The following KAT7 variants were observed in gnomAD, a reference collection of about 807,000 sequenced individuals.
The protein encoded by KAT7 is lysine acetyltransferase 7.
In KAT7, 10 loss-of-function variants were observed where a neutral mutation model predicts 82.1. That is an observed-to-expected ratio of 0.12 (90% CI 0.08 to 0.21). The LOEUF is 0.21. Among genes scored for constraint, KAT7 ranks in the 10% least tolerant of loss-of-function variants. KAT7 has a pLI of 1.00. For synonymous variants in KAT7, 250 were observed against 262.5 expected, an observed-to-expected ratio of 0.95 and a Z score of 0.46; for missense variants, 378 against 760.9, an observed-to-expected ratio of 0.50 and a Z score of 5.92.
chr17:49,789,357 G>A (rs2073853564), intron 1 of KAT7: 1 of 153,344 alleles, frequency 6.5e-6, no homozygotes, highest in African/African-American at 2.4e-5. Flanking sequence ...GGTTTTGGAG[G>A]CCTCGTTACC....
intron 4 of KAT7, among the ~76,000 whole-genome samples, chr17:49,801,856 A>G (rs986052480): frequency 7.2e-5 from 11 of 152,156 alleles, no homozygotes; most frequent in South Asian, 2.1e-4. Context: ...TTAAAACTCT[A>G]TAGGAAAGTT....
At chr17:49,818,082 A>C in intron 9 of KAT7, 71 bp downstream of exon 9, 9 of 1,269,206 alleles carry the variant, frequency 7.1e-6, no homozygotes, top group Non-Finnish European at 1.0e-5. Context: ...ATTTTGCCAT[A>C]GCGATGGCAT....
chr17:49,797,599 G>T (rs1278487543), intron 3 of KAT7, among the ~76,000 whole-genome samples: 1 of 152,318 alleles, frequency 6.6e-6, no homozygotes, highest in Non-Finnish European at 1.5e-5. Context: ...TGTCCGCATG[G>T]TTGGTTGGTT....
chr17:49,816,696 A>G (rs2074239187), intron 8 of KAT7, among the ~76,000 whole-genome samples: 1 of 152,124 alleles, frequency 6.6e-6, no homozygotes, highest in Admixed American at 6.6e-5. Flanking sequence ...GGTTTTCTCT[A>G]TCCTATTCTG....
chr17:49,795,033 T>TG (rs1555601686), intron 2 of KAT7, among the ~76,000 whole-genome samples: 3 of 151,762 alleles, frequency 2.0e-5, no homozygotes, highest in African/African-American at 7.3e-5. Flanking sequence ...AAATATACGT[T>TG]GGGGGGTGCA....
intron 4 of KAT7, among the ~76,000 whole-genome samples, chr17:49,804,822 G>C (rs1567853660): frequency 6.6e-6 from 1 of 152,056 alleles, no homozygotes; most frequent in Non-Finnish European, 1.5e-5. Flanking sequence ...GCAAAACTCA[G>C]TTCTCCCTCC....
intron 12 of KAT7, among the ~76,000 whole-genome samples, chr17:49,824,018 G>A (rs2074337618): frequency 6.6e-6 from 1 of 152,134 alleles, no homozygotes; most frequent in Admixed American, 6.5e-5. Flanking sequence ...CTTTCTTCAG[G>A]TGAATTAGAG....
At chr17:49,790,310 C>A (rs578188237) in intron 1 of KAT7, among the ~76,000 whole-genome samples, 1 of 152,120 alleles carries the variant, frequency 6.6e-6, no homozygotes, top group Non-Finnish European at 1.5e-5. Context: ...GATTCTCCTG[C>A]CTCAGTCTCT....
intron 11 of KAT7, among the ~76,000 whole-genome samples, chr17:49,822,372 C>T (rs1481067382): frequency 1.3e-5 from 2 of 151,916 alleles, no homozygotes; most frequent in African/African-American, 2.4e-5. Context: ...GGATAACAGG[C>T]GCCTGCCACC....
intron 2 of KAT7, chr17:49,795,776 A>T (rs546044267): frequency 4.5e-5 from 10 of 224,522 alleles, no homozygotes; most frequent in South Asian, 3.2e-4. Context: ...GTTCCCCTAC[A>T]CTAGGTGTTT....
chr17:49,788,728 G>C lies in KAT7; in HGVS notation c.-107G>C. 1 of 1,241,290 alleles carries C rather than the reference G, an allele frequency of 8.1e-7. No homozygotes were observed. 76.9% of individuals were successfully genotyped at this position (1,241,290 alleles called of 1,614,324 possible). ...AGGCAGGAGGCACTAGGGATCGTCC[G>C]CAGGATTGGGACTGATACAGAGGCC... On this transcript the variant is annotated 5_prime_UTR_variant, in exon 1 of 15. Transcript: ENST00000259021.
rs2074447331 is a variant in KAT7, at chr17:49,834,448, T to G, written c.*6946T>G. ...GCATGAGCCGCTGCGCCCAACCTTC[T>G]TCTGCTGTCGAGATACTGCTCATCA... On this transcript the variant is annotated 3_prime_UTR_variant, in exon 15 of 15. Coordinates refer to ENST00000259021, the MANE Select transcript of KAT7 (RefSeq NM_007067.5). 1 of 152,304 alleles carries G rather than the reference T, an allele frequency of 6.6e-6. No individual in the cohort carries two copies. The highest frequency in any genetic ancestry group is 1.5e-5 in the Non-Finnish European group (1 of 68,084). 9.4% of individuals were successfully genotyped at this position (152,304 alleles called of 1,614,324 possible).
At chr17:49,797,802 G>A (rs1167490167) in intron 3 of KAT7, among the ~76,000 whole-genome samples, 2 of 152,216 alleles carry the variant, frequency 1.3e-5, no homozygotes, top group African/African-American at 2.4e-5. Flanking sequence ...ACAATGAGCT[G>A]TCTCTTTGGC....
chr17:49,828,670 C>G lies in KAT7; in HGVS notation c.*1168C>G, dbSNP rs910242837. ...CACCATCCTTCTATTCTCTGGTCTTCTATTTTTGGTGTTGTTCAAGTGAAG... is the reference window on the plus strand; with the variant it reads ...CACCATCCTTCTATTCTCTGGTCTTGTATTTTTGGTGTTGTTCAAGTGAAG... On this transcript the variant is annotated 3_prime_UTR_variant, in exon 15 of 15. Coordinates refer to ENST00000259021, the MANE Select transcript of KAT7 (RefSeq NM_007067.5). The G allele has an allele frequency of 1.3e-5, 2 of 152,678 alleles. No individual in the cohort carries two copies. The highest frequency in any genetic ancestry group is 2.9e-5 in the Non-Finnish European group (2 of 68,036). 9.5% of individuals were successfully genotyped at this position (152,678 alleles called of 1,614,324 possible). A position where few individuals can be genotyped will look rare whatever the true frequency, so the allele number is the denominator to read the frequency against.
chr17:49,811,865 C>CTTTAAGATG (rs1231023496), intron 7 of KAT7, among the ~76,000 whole-genome samples: 1 of 152,050 alleles, frequency 6.6e-6, no homozygotes, highest in East Asian at 1.9e-4. Context: ...TAAATTTACC[C>CTTTAAGATG]GCTAGAACAC....
intron 7 of KAT7, chr17:49,815,337 T>C (rs1362413888): frequency 6.6e-6 from 1 of 152,520 alleles, no homozygotes; most frequent in African/African-American, 2.4e-5. Context: ...AGATTTTCTT[T>C]TGAGTCTAAA....
Position 49,826,806 on chromosome 17 carries a change from T to C in KAT7, c.1734+7T>C. The C allele has an allele frequency of 6.4e-7, 1 of 1,566,870 alleles. No individual in the cohort carries two copies. Among genetic ancestry groups the C allele is most frequent in the Non-Finnish European group, 8.8e-7 (1 of 1,137,610 alleles). On this transcript the variant is annotated splice_region_variant and intron_variant, in intron 14 of 14. Transcript: ENST00000259021. ...CCTAGTTTTAAAGAGACAGGTAAGG[T>C]TCTCATCAGGGGCTTGCTCATTGCT...
rs764689656 is a variant in KAT7, at chr17:49,831,118, C to G, written c.*3616C>G. 1 of 152,060 alleles carries G rather than the reference C, an allele frequency of 6.6e-6. No homozygotes were observed. The highest frequency in any genetic ancestry group is 6.6e-5 in the Admixed American group (1 of 15,266). The allele number at this position is 152,060 out of a possible 1,614,324, so 9.4% of individuals were successfully genotyped here. A position where few individuals can be genotyped will look rare whatever the true frequency, so the allele number is the denominator to read the frequency against. ...GCAGCATGGTGAAACCCCAGCTCTA[C>G]AAAAAATAGAAAAATCAGACGTGGG... is the stretch of plus-strand genomic sequence containing the variant. On this transcript the variant is annotated 3_prime_UTR_variant, in exon 15 of 15. Coordinates refer to ENST00000259021, the MANE Select transcript of KAT7 (RefSeq NM_007067.5).
rs140631091 is a variant in KAT7, at chr17:49,834,318, T to A, written c.*6816T>A. ...GTGCACTACCACGCCCGGCTACCTT[T>A]TTGTATTTTCAGTAGAGACGAGGTT... On this transcript the variant is annotated 3_prime_UTR_variant, in exon 15 of 15. Coordinates refer to ENST00000259021, the MANE Select transcript of KAT7 (RefSeq NM_007067.5). 1 of 152,328 alleles carries A rather than the reference T, an allele frequency of 6.6e-6. No homozygotes were observed. The highest frequency in any genetic ancestry group is 6.5e-5 in the Admixed American group (1 of 15,290). 9.4% of individuals were successfully genotyped at this position (152,328 alleles called of 1,614,324 possible). A position where few individuals can be genotyped will look rare whatever the true frequency, so the allele number is the denominator to read the frequency against.
Sources: allele counts gnomAD v4.1 joint callset (sites outside exome capture counted in the v4.1 genomes callset), GRCh38; gene constraint gnomAD v4.1.1; transcripts MANE v1.5; gene names NCBI Gene and HGNC (gene_info 2026-07-23, HGNC 2026-07-21).